CPEB3: variants seen among roughly 807,000 people sequenced by gnomAD.
CPEB3 encodes cytoplasmic polyadenylation element-binding protein 3.
Under a neutral mutation model 67.2 loss-of-function variants are expected in CPEB3, and 20 were observed. The observed-to-expected ratio is 0.30, with a 90% CI of 0.21 to 0.43. The LOEUF (loss-of-function observed/expected upper bound fraction) is 0.43. Among genes scored for constraint, CPEB3 ranks in the 20% least tolerant of loss-of-function variants. The pLI, the probability that CPEB3 is intolerant of heterozygous loss-of-function variation, is 1.00. For synonymous variants in CPEB3, 376 were observed against 393.1 expected (o/e 0.96, Z 0.51); for missense variants, 746 against 968.6 (o/e 0.77, Z 3.05).
chr10:92,224,099 C>G (rs1850845680), intron 2 of CPEB3, among the ~76,000 whole-genome samples: 1 of 151,770 alleles, frequency 6.6e-6, no homozygotes, highest in Non-Finnish European at 1.5e-5. Context: ...GGGGTTTCAC[C>G]ATGTTGGCCA....
At chr10:92,130,689 A>C (rs907964157) in intron 6 of CPEB3, among the ~76,000 whole-genome samples, 32 of 144,448 alleles carry the variant, frequency 2.2e-4, no homozygotes, top group Admixed American at 2.0e-3. Flanking sequence ...ACTGAGGTCT[A>C]TCTATGTGGA....
At chr10:92,100,567 C>T (rs1013053058) in intron 7 of CPEB3, among the ~76,000 whole-genome samples, 2 of 151,740 alleles carry the variant, frequency 1.3e-5, no homozygotes, top group Admixed American at 1.3e-4. Flanking sequence ...TGAGCCACCA[C>T]GCCCAGCCAA....
intron 3 of CPEB3, among the ~76,000 whole-genome samples, chr10:92,182,055 T>C (rs1364778449): frequency 6.6e-6 from 1 of 152,238 alleles, no homozygotes; most frequent in Non-Finnish European, 1.5e-5. Context: ...ACAAAATAGT[T>C]ATTGAAACAA....
At chr10:92,140,423 C>A (rs1436940878) in intron 6 of CPEB3, among the ~76,000 whole-genome samples, 1 of 152,010 alleles carries the variant, frequency 6.6e-6, no homozygotes, top group Non-Finnish European at 1.5e-5. Flanking sequence ...AACTGGCTAG[C>A]CATATGTAGA....
intron 6 of CPEB3, among the ~76,000 whole-genome samples, chr10:92,133,307 A>G (rs1845931619): frequency 6.6e-6 from 1 of 152,212 alleles, no homozygotes; most frequent in South Asian, 2.1e-4. Flanking sequence ...GAAGAATCAA[A>G]TAGACGCAAT....
At chr10:92,131,330 T>C (rs967546977) in intron 6 of CPEB3, among the ~76,000 whole-genome samples, 5 of 152,180 alleles carry the variant, frequency 3.3e-5, no homozygotes, top group African/African-American at 4.8e-5. Flanking sequence ...AAGAGCTATC[T>C]ATGGAGGCTG....
intron 1 of CPEB3, among the ~76,000 whole-genome samples, chr10:92,257,343 GGA>G (rs1374714686): frequency 6.6e-6 from 1 of 152,044 alleles, no homozygotes; most frequent in Middle Eastern, 3.2e-3. Context: ...CTCCCAGGTT[GGA>G]GTGCAGTGGT....
intron 7 of CPEB3, among the ~76,000 whole-genome samples, chr10:92,098,339 G>A (rs1478048870): frequency 3.3e-5 from 5 of 151,310 alleles, no homozygotes; most frequent in African/African-American, 4.9e-5. Flanking sequence ...ACGGAGTTTC[G>A]CTCTTGTTGC....
chr10:92,118,803 G>A (rs772827360), intron 6 of CPEB3: 246 of 762,114 alleles, frequency 3.2e-4, no homozygotes, highest in Admixed American at 1.3e-3. Context: ...GGTTTAAACC[G>A]TCCTGTATCT....
intron 7 of CPEB3, among the ~76,000 whole-genome samples, chr10:92,102,241 G>C (rs1216340871): frequency 6.6e-6 from 1 of 152,134 alleles, no homozygotes; most frequent in Non-Finnish European, 1.5e-5. Flanking sequence ...GGTAGCTCTG[G>C]GGGCTTCAGT....
intron 6 of CPEB3, among the ~76,000 whole-genome samples, chr10:92,129,020 A>G (rs530466028): frequency 5.8e-4 from 89 of 152,366 alleles, no homozygotes; most frequent in Middle Eastern, 6.8e-3. Flanking sequence ...AAATCGTTCT[A>G]TCATAAAGAC....
chr10:92,055,518 C>T (rs1208420819), intron 9 of CPEB3, among the ~76,000 whole-genome samples: 1 of 152,104 alleles, frequency 6.6e-6, no homozygotes, highest in East Asian at 1.9e-4. Context: ...ACATTACGAA[C>T]ATTCTTCATA....
At chr10:92,208,795 A>G (rs1849921767) in intron 2 of CPEB3, among the ~76,000 whole-genome samples, 1 of 151,938 alleles carries the variant, frequency 6.6e-6, no homozygotes, top group South Asian at 2.1e-4. Flanking sequence ...GGGTTTCACC[A>G]CGTTGGCCAG....
At chr10:92,053,843 C>T (rs982833379) in intron 9 of CPEB3, among the ~76,000 whole-genome samples, 3 of 151,670 alleles carry the variant, frequency 2.0e-5, no homozygotes, top group Admixed American at 2.0e-4. Context: ...GCCTGGCACA[C>T]TCGACTTATT....
chr10:92,160,448 G>C (rs1190519499), intron 4 of CPEB3, among the ~76,000 whole-genome samples: 1 of 151,998 alleles, frequency 6.6e-6, no homozygotes, highest in Non-Finnish European at 1.5e-5. Flanking sequence ...ATAATTATAT[G>C]GATGGATTAA....
At chr10:92,276,309 G>A (rs1243018662) in intron 1 of CPEB3, among the ~76,000 whole-genome samples, 19 of 100,074 alleles carry the variant, frequency 1.9e-4, no homozygotes, top group African/African-American at 6.3e-4. Flanking sequence ...ATGGAGTTTT[G>A]CTCTTGTTGC....
intron 7 of CPEB3, 132 bp from the exon 8 acceptor site, chr10:92,092,076 A>G: frequency 1.5e-6 from 1 of 666,054 alleles, no homozygotes. Context: ...CCAGTTAATT[A>G]GTTAACGTAA....
chr10:92,233,889 C>T (rs1231887501), intron 2 of CPEB3, among the ~76,000 whole-genome samples: 7 of 151,804 alleles, frequency 4.6e-5, no homozygotes, highest in Admixed American at 4.6e-4. Flanking sequence ...GCGGGCAGAT[C>T]CAAAGTCAGG....
chr10:92,241,777 A>G (rs1851862493), intron 1 of CPEB3, among the ~76,000 whole-genome samples: 1 of 152,210 alleles, frequency 6.6e-6, no homozygotes, highest in African/African-American at 2.4e-5. Flanking sequence ...TAAATATATA[A>G]ATATTACAGT....
Sources: gnomAD v4.1 joint callset for allele counts (sites outside exome capture counted in the v4.1 genomes callset) on GRCh38, gnomAD v4.1.1 for gene constraint, MANE v1.5 for transcripts, NCBI Gene and HGNC (gene_info 2026-07-23, HGNC 2026-07-21) for gene names.